The following CHRM3 variants were observed in gnomAD, a reference collection of about 807,000 sequenced individuals.
The protein encoded by CHRM3 is muscarinic acetylcholine receptor M3.
A neutral mutation model predicts 41.8 loss-of-function variants in CHRM3; 11 were observed. The ratio of observed to expected loss-of-function variants is 0.26; its 90% CI spans 0.17 to 0.44. The LOEUF is 0.44. Ranked by LOEUF, CHRM3 falls within the 20% of genes least tolerant of loss-of-function variation. The pLI, the probability that CHRM3 is intolerant of heterozygous loss-of-function variation, is 1.00. For synonymous variants in CHRM3, 297 were observed against 301.4 expected (o/e 0.99, Z 0.15); for missense variants, 571 against 745.4 (o/e 0.77, Z 2.72).
At chr1:239,747,288 T>G (rs778134608) in intron 5 of CHRM3, among the ~76,000 whole-genome samples, 2 of 152,176 alleles carry the variant, frequency 1.3e-5, no homozygotes, top group Non-Finnish European at 2.9e-5. Flanking sequence ...CAGGCATTGA[T>G]CTGAGAGCTG....
rs571808513 is a variant in CHRM3 at position 239,502,453 on chromosome 1, C to CA, written c.-422+9655dup. ...GAAATGGTAATTTAAAAATTAGCAA[C>CA]AAAAAAAAAGTCCAGGACCAGATGG... On this transcript the variant is annotated intron_variant, in intron 2 of 6. Coordinates refer to ENST00000676153, the MANE Select transcript of CHRM3 (RefSeq NM_001375978.1). Among the ~76,000 whole-genome samples the CA allele has an allele frequency of 6.7e-3, 1,006 of 150,768 alleles. 14 individuals carry two copies. Among genetic ancestry groups the CA allele is most frequent in the African/African-American group, 0.023 (930 of 41,128 alleles).
intron 5 of CHRM3, among the ~76,000 whole-genome samples, chr1:239,757,935 T>C (rs1666378542): frequency 6.6e-6 from 1 of 152,188 alleles, no homozygotes; most frequent in African/African-American, 2.4e-5. Flanking sequence ...CCTGAGTCAC[T>C]CTAGGTTAGA....
At chr1:239,476,281 C>T (rs758005591) in intron 1 of CHRM3, among the ~76,000 whole-genome samples, 3 of 152,030 alleles carry the variant, frequency 2.0e-5, no homozygotes, top group Non-Finnish European at 4.4e-5. Context: ...GTCTTGCCAA[C>T]GTGGCGAAAC....
chr1:239,395,230 T>C (rs1263099291), intron 1 of CHRM3, among the ~76,000 whole-genome samples: 4 of 152,102 alleles, frequency 2.6e-5, no homozygotes, highest in African/African-American at 9.7e-5. Context: ...CCCATACTCT[T>C]CCGTTGCCTC....
intron 5 of CHRM3, among the ~76,000 whole-genome samples, chr1:239,684,857 G>A (rs541616412): frequency 1.8e-4 from 28 of 152,170 alleles, no homozygotes; most frequent in African/African-American, 6.5e-4. Context: ...GACAGTGGAT[G>A]GAGAGAGTGA....
chr1:239,854,049 A>G (rs1674909571), intron 6 of CHRM3, among the ~76,000 whole-genome samples: 1 of 152,104 alleles, frequency 6.6e-6, no homozygotes, highest in African/African-American at 2.4e-5. Context: ...GCTTTTATGG[A>G]GGATACATGT....
At chr1:239,520,336 G>A (rs1433489621) in intron 2 of CHRM3, among the ~76,000 whole-genome samples, 1 of 152,160 alleles carries the variant, frequency 6.6e-6, no homozygotes, top group East Asian at 1.9e-4. Context: ...GTGGGGCCTG[G>A]TGGGAGATGA....
In CHRM3 at chr1:239,667,412, G is replaced by A. The variant is rs577445948; in HGVS notation, c.-249-10774G>A. ...AGCATCCAAGTCCACTGTCATGTGCGGAGACTCATGCAGACATCTCATATG... is the reference window on the plus strand; with the variant it reads ...AGCATCCAAGTCCACTGTCATGTGCAGAGACTCATGCAGACATCTCATATG... On this transcript the variant is annotated intron_variant, in intron 4 of 6. Coordinates refer to ENST00000676153, the MANE Select transcript of CHRM3 (RefSeq NM_001375978.1). 5.9e-5 allele frequency among the ~76,000 whole-genome samples: 9 copies of A among 152,216 alleles called. No homozygotes were observed. In the South Asian group the frequency reaches 8.3e-4, roughly 14 times the overall value.
chr1:239,431,847 C>T lies in CHRM3; in HGVS notation c.-521+44620C>T, dbSNP rs576239967. Among the ~76,000 whole-genome samples, 15 of 152,220 alleles carry T rather than the reference C, an allele frequency of 9.9e-5. 1 individual carries two copies. The highest frequency in any genetic ancestry group is 8.3e-4 in the South Asian group (4 of 4,816). On this transcript the variant is annotated intron_variant, in intron 1 of 6. Coordinates refer to ENST00000676153, the MANE Select transcript of CHRM3 (RefSeq NM_001375978.1). ...AATGTTATTTCCACGTTACTGTATC[C>T]GGATACTTCCCCTCGAGACTCAAGG... is the stretch of plus-strand genomic sequence containing the variant.
chr1:239,727,377 C>T (rs1213421578), intron 5 of CHRM3, among the ~76,000 whole-genome samples: 1 of 151,950 alleles, frequency 6.6e-6, no homozygotes, highest in African/African-American at 2.4e-5. Flanking sequence ...GGACCTTCCA[C>T]AGTGAGGCAC....
intron 1 of CHRM3, among the ~76,000 whole-genome samples, chr1:239,434,834 G>A (rs890617550): frequency 6.6e-6 from 1 of 152,150 alleles, no homozygotes. Context: ...TGAAAATGTG[G>A]AATTGTAATA....
At chr1:239,442,314 CCAGGCTGGTCTTGAACCCCTGAGCT>C (rs2103260288) in intron 1 of CHRM3, among the ~76,000 whole-genome samples, 1 of 152,208 alleles carries the variant, frequency 6.6e-6, no homozygotes, top group South Asian at 2.1e-4. Context: ...ACCAGGTTGG[CCAGGCTGGTCTTGAACCCCTGAGCT>C]CAGGCAATCC....
chr1:239,805,963 G>GAAACA (rs1440034607), intron 5 of CHRM3, among the ~76,000 whole-genome samples: 1 of 151,994 alleles, frequency 6.6e-6, no homozygotes, highest in Non-Finnish European at 1.5e-5. Context: ...CGTTAAAAAC[G>GAAACA]AAACAAAACA....
intron 4 of CHRM3, among the ~76,000 whole-genome samples, chr1:239,633,923 C>T (rs1248107246): frequency 2.0e-5 from 3 of 152,330 alleles, no homozygotes; most frequent in African/African-American, 7.2e-5. Context: ...CAGTAACATT[C>T]ATATCTGGAT....
intron 6 of CHRM3, among the ~76,000 whole-genome samples, chr1:239,842,711 A>G (rs977728765): frequency 3.3e-5 from 5 of 152,234 alleles, no homozygotes; most frequent in African/African-American, 9.6e-5. Flanking sequence ...AGGATCATCT[A>G]GGTCACCCCA....
At chr1:239,649,650 A>C (rs1364536450) in intron 4 of CHRM3, among the ~76,000 whole-genome samples, 1 of 152,068 alleles carries the variant, frequency 6.6e-6, no homozygotes. Context: ...TGTTTGTGAG[A>C]TGGTGGAGGT....
intron 6 of CHRM3, among the ~76,000 whole-genome samples, chr1:239,878,713 G>A (rs183310410): frequency 6.6e-5 from 10 of 152,120 alleles, no homozygotes; most frequent in Admixed American, 5.2e-4. Flanking sequence ...GGACATGAGG[G>A]CAAAGGGGAT....
At chr1:239,397,442 AT>A (rs1659582313) in intron 1 of CHRM3, among the ~76,000 whole-genome samples, 1 of 151,738 alleles carries the variant, frequency 6.6e-6, no homozygotes. Flanking sequence ...GGAGGTCGAG[AT>A]GGGTGGATCA....
At chr1:239,883,843 C>T (rs1014498136) in intron 6 of CHRM3, among the ~76,000 whole-genome samples, 11 of 152,228 alleles carry the variant, frequency 7.2e-5, no homozygotes, top group African/African-American at 2.4e-4. Context: ...ACATCTATGT[C>T]TATATTTATC....
Sources: gnomAD v4.1 joint callset for allele counts (sites outside exome capture counted in the v4.1 genomes callset) on GRCh38, gnomAD v4.1.1 for gene constraint, MANE v1.5 for transcripts, NCBI Gene and HGNC (gene_info 2026-07-23, HGNC 2026-07-21) for gene names.